Variants in BICD1 observed in about 807,000 individuals in gnomAD.
BICD1 encodes the protein protein bicaudal D homolog 1.
In BICD1, 35 loss-of-function variants were observed where a neutral mutation model predicts 92.5. That is an observed-to-expected ratio of 0.38 (90% confidence interval 0.29 to 0.50). The LOEUF is 0.50. BICD1 is among the 20% of genes least tolerant of loss of function. BICD1 has a pLI of 0.93. For synonymous variants in BICD1, 429 were observed against 465.1 expected, an observed-to-expected ratio of 0.92 and a Z score of 1.00; for missense variants, 950 against 1,189.8, an observed-to-expected ratio of 0.80 and a Z score of 2.97.
intron 1 of BICD1, among the ~76,000 whole-genome samples, chr12:32,158,685 CAT>C (rs1361384591): frequency 6.6e-6 from 1 of 152,182 alleles, no homozygotes; most frequent in Non-Finnish European, 1.5e-5. Context: ...GCTTCCTTCT[CAT>C]GTGGCTTTCA....
intron 1 of BICD1, among the ~76,000 whole-genome samples, chr12:32,111,065 A>G (rs1393225057): frequency 6.6e-6 from 1 of 152,222 alleles, no homozygotes; most frequent in Non-Finnish European, 1.5e-5. Flanking sequence ...AGAGCCCCTT[A>G]GAAAGGAATG....
intron 2 of BICD1, among the ~76,000 whole-genome samples, chr12:32,283,910 A>G (rs540895168): frequency 6.6e-6 from 1 of 152,232 alleles, no homozygotes; most frequent in Non-Finnish European, 1.5e-5. Context: ...CAAATAAAGC[A>G]TGTGCTTGTC....
chr12:32,292,335 A>C (rs941794781), intron 2 of BICD1, among the ~76,000 whole-genome samples: 1 of 152,194 alleles, frequency 6.6e-6, no homozygotes, highest in African/African-American at 2.4e-5. Context: ...CACATGCAGA[A>C]GTATGTGTCA....
intron 8 of BICD1, among the ~76,000 whole-genome samples, chr12:32,342,523 TTACAGGCGTGAGCCA>T (rs1240046509): frequency 1.3e-5 from 2 of 152,082 alleles, no homozygotes; most frequent in Non-Finnish European, 2.9e-5. Context: ...AGTGCTGGGA[TTACAGGCGTGAGCCA>T]CTGTGCCCAG....
chr12:32,375,170 C>T (rs184736830), intron 9 of BICD1, among the ~76,000 whole-genome samples: 2 of 151,864 alleles, frequency 1.3e-5, no homozygotes, highest in Middle Eastern at 3.4e-3. Flanking sequence ...CATGATCCGC[C>T]CGCCTTGGCC....
intron 2 of BICD1, among the ~76,000 whole-genome samples, chr12:32,258,945 C>T (rs1297049249): frequency 4.6e-5 from 7 of 152,284 alleles, no homozygotes; most frequent in Middle Eastern, 6.8e-3. Context: ...TATCCAACCT[C>T]CCACAAGAAG....
At chr12:32,291,413 T>C (rs1947723387) in intron 2 of BICD1, among the ~76,000 whole-genome samples, 1 of 152,164 alleles carries the variant, frequency 6.6e-6, no homozygotes, top group South Asian at 2.1e-4. Context: ...GGTGTGCATC[T>C]GTAGGCCCAG....
intron 2 of BICD1, among the ~76,000 whole-genome samples, chr12:32,245,759 G>A (rs146016726): frequency 2.2e-4 from 33 of 152,202 alleles, no homozygotes; most frequent in African/African-American, 7.0e-4. Context: ...AGCTGGGCAC[G>A]GTGGCTCATG....
chr12:32,354,657 A>T (rs983229958), intron 8 of BICD1, among the ~76,000 whole-genome samples: 7 of 152,196 alleles, frequency 4.6e-5, no homozygotes, highest in Non-Finnish European at 8.8e-5. Context: ...AGGGGATGTA[A>T]TACGTTTGGT....
At chr12:32,306,496 G>T (rs1379401363) in intron 4 of BICD1, among the ~76,000 whole-genome samples, 2 of 151,858 alleles carry the variant, frequency 1.3e-5, no homozygotes, top group Non-Finnish European at 2.9e-5. Flanking sequence ...CGCCCGCCTT[G>T]GCCTCCAAAG....
chr12:32,307,797 T>C (rs1296530731), intron 4 of BICD1, among the ~76,000 whole-genome samples: 3 of 152,242 alleles, frequency 2.0e-5, no homozygotes, highest in African/African-American at 4.8e-5. Flanking sequence ...CATATTTCCT[T>C]GTGAAAAAGT....
intron 8 of BICD1, among the ~76,000 whole-genome samples, chr12:32,365,967 C>G (rs1350830870): frequency 6.6e-6 from 1 of 152,178 alleles, no homozygotes; most frequent in African/African-American, 2.4e-5. Flanking sequence ...ACACCAGCTA[C>G]TAAACAAAAA....
intron 2 of BICD1, among the ~76,000 whole-genome samples, chr12:32,231,588 T>C (rs1945889493): frequency 6.7e-6 from 1 of 150,262 alleles, no homozygotes; most frequent in African/African-American, 2.4e-5. Flanking sequence ...TATTTATTTA[T>C]TTATTTATTT....
chr12:32,268,374 A>G (rs1947054102), intron 2 of BICD1, among the ~76,000 whole-genome samples: 1 of 151,896 alleles, frequency 6.6e-6, no homozygotes, highest in Admixed American at 6.5e-5. Flanking sequence ...GGAGAAAACA[A>G]AATAAAAAAT....
intron 3 of BICD1, among the ~76,000 whole-genome samples, chr12:32,296,478 C>T (rs183936820): frequency 3.3e-5 from 5 of 151,668 alleles, no homozygotes; most frequent in South Asian, 2.1e-4. Context: ...AGGATGGTCT[C>T]GATCTCCTGA....
chr12:32,274,676 G>C (rs575454117), intron 2 of BICD1, among the ~76,000 whole-genome samples: 329 of 152,210 alleles, frequency 2.2e-3, no homozygotes, highest in Non-Finnish European at 3.5e-3. Flanking sequence ...TAAAGACAGA[G>C]ATAACAATAA....
At chr12:32,265,782 T>C (rs1251169952) in intron 2 of BICD1, among the ~76,000 whole-genome samples, 7 of 151,828 alleles carry the variant, frequency 4.6e-5, no homozygotes, top group Non-Finnish European at 8.8e-5. Flanking sequence ...GTTGAAGAGC[T>C]TCTGCTGGAC....
At chr12:32,152,909 GCT>G (rs1943330861) in intron 1 of BICD1, among the ~76,000 whole-genome samples, 2 of 152,108 alleles carry the variant, frequency 1.3e-5, no homozygotes. Context: ...TAGCAAAACT[GCT>G]CTTTTTTCCC....
chr12:32,139,590 G>A (rs555971823), intron 1 of BICD1, among the ~76,000 whole-genome samples: 1 of 152,214 alleles, frequency 6.6e-6, no homozygotes, highest in African/African-American at 2.4e-5. Context: ...TTGAGACGGA[G>A]TCTCGCTCTG....
Sources: gnomAD v4.1 joint callset for allele counts (sites outside exome capture counted in the v4.1 genomes callset) on GRCh38, gnomAD v4.1.1 for gene constraint, MANE v1.5 for transcripts, NCBI Gene and HGNC (gene_info 2026-07-23, HGNC 2026-07-21) for gene names.